The following ADAMTS17 variants were observed in gnomAD, a reference collection of about 807,000 sequenced individuals.
ADAMTS17 encodes ADAM metallopeptidase with thrombospondin type 1 motif 17, also known as A disintegrin and metalloproteinase with thrombospondin motifs 17.
In ADAMTS17, 113 loss-of-function variants were observed where a neutral mutation model predicts 141.5. The observed-to-expected ratio is 0.80, with a 90% CI of 0.69 to 0.93. ADAMTS17 has a LOEUF of 0.93. ADAMTS17 is among the 40% of genes least tolerant of loss of function. The pLI, the probability that ADAMTS17 is intolerant of heterozygous loss-of-function variation, is 0.00. For missense variants in ADAMTS17, 1,659 were observed against 1,517.9 expected (o/e 1.09, Z -1.54); for synonymous variants, 768 against 630.6 (o/e 1.22, Z -3.27).
chr15:100,149,549 T>G (rs1170697382), intron 10 of ADAMTS17, among the ~76,000 whole-genome samples: 1 of 152,150 alleles, frequency 6.6e-6, no homozygotes, highest in Non-Finnish European at 1.5e-5. Context: ...TAAGTCACCT[T>G]TAGTTCCCTG....
At chr15:100,286,449 G>C (rs879855769) in intron 3 of ADAMTS17, among the ~76,000 whole-genome samples, 10 of 152,148 alleles carry the variant, frequency 6.6e-5, no homozygotes, top group Non-Finnish European at 1.3e-4. Context: ...AGCAGACCGG[G>C]AACACCTCAG....
intron 15 of ADAMTS17, among the ~76,000 whole-genome samples, chr15:100,061,175 T>C (rs2033091207): frequency 6.6e-6 from 1 of 152,188 alleles, no homozygotes; most frequent in Admixed American, 6.5e-5. Context: ...GTTTAACTTG[T>C]GTTCTCCAAT....
intron 4 of ADAMTS17, among the ~76,000 whole-genome samples, chr15:100,267,350 C>G (rs949977577): frequency 6.6e-6 from 1 of 152,076 alleles, no homozygotes; most frequent in Non-Finnish European, 1.5e-5. Flanking sequence ...GTATGGACAC[C>G]CCACGTTTTG....
chr15:100,082,697 T>A (rs150293442), intron 15 of ADAMTS17, among the ~76,000 whole-genome samples: 195 of 152,144 alleles, frequency 1.3e-3, no homozygotes, highest in Admixed American at 2.4e-3. Context: ...GGCTACGATA[T>A]CATCTTAAAT....
At chr15:100,125,816 G>A (rs2037702775) in intron 12 of ADAMTS17, among the ~76,000 whole-genome samples, 1 of 152,110 alleles carries the variant, frequency 6.6e-6, no homozygotes, top group African/African-American at 2.4e-5. Flanking sequence ...CAAGAGCTGT[G>A]AAGACCAAGA....
intron 7 of ADAMTS17, among the ~76,000 whole-genome samples, chr15:100,247,882 C>A (rs2043035004): frequency 6.7e-6 from 1 of 150,116 alleles, no homozygotes; most frequent in Non-Finnish European, 1.5e-5. Flanking sequence ...CCAGCAATAT[C>A]CCCCACCCGC....
rs553782956 is a variant in ADAMTS17, at chr15:100,134,230, G to T, written c.1474-915C>A. Among the ~76,000 whole-genome samples the T allele has an allele frequency of 1.8e-4, 28 of 152,300 alleles. No individual in the cohort carries two copies. In the South Asian group the frequency reaches 5.6e-3, roughly 30 times the overall value. The stretch of plus-strand genomic sequence containing the variant: ...CTCTCAGAGGGTCCTGGGGGGGATG[G>T]CCCCGCTGCCGACAGCAGTCACTTA... On this transcript the variant is annotated intron_variant, in intron 10 of 21. Transcript: ENST00000268070.
intron 18 of ADAMTS17, among the ~76,000 whole-genome samples, chr15:100,030,490 G>C (rs986216436): frequency 3.9e-5 from 6 of 152,142 alleles, no homozygotes; most frequent in African/African-American, 1.4e-4. Flanking sequence ...GGTCTGTAAT[G>C]AGCCACCTGG....
At chr15:100,306,443 C>G (rs888657311) in intron 3 of ADAMTS17, 6 of 455,724 alleles carry the variant, frequency 1.3e-5, no homozygotes, top group African/African-American at 4.0e-5. Flanking sequence ...GCAGAGGCCA[C>G]AGGTAGACGC....
At chr15:100,142,679 G>T (rs57981971) in intron 10 of ADAMTS17, among the ~76,000 whole-genome samples, 5,149 of 152,250 alleles carry the variant, frequency 0.034, 171 homozygotes, top group African/African-American at 0.083. Flanking sequence ...GCAGAATGGG[G>T]CCCTGGGCAG....
chr15:100,327,030 C>T (rs2045921469), intron 3 of ADAMTS17, among the ~76,000 whole-genome samples: 1 of 152,210 alleles, frequency 6.6e-6, no homozygotes, highest in African/African-American at 2.4e-5. Flanking sequence ...CCGAATGAAT[C>T]TTAACCCATT....
chr15:100,340,915 G>T, intron 2 of ADAMTS17, 124 bp downstream of exon 2: 3 of 1,406,256 alleles, frequency 2.1e-6, no homozygotes, highest in Non-Finnish European at 2.9e-6. Flanking sequence ...AAAGGCAGGG[G>T]GTTCCCTCCG....
intron 18 of ADAMTS17, among the ~76,000 whole-genome samples, chr15:100,002,720 G>T (rs563217312): frequency 1.3e-5 from 2 of 152,216 alleles, no homozygotes; most frequent in South Asian, 4.1e-4. Flanking sequence ...CCCTGGGAGG[G>T]GCACTGTTTT....
intron 3 of ADAMTS17, among the ~76,000 whole-genome samples, chr15:100,291,530 A>AC (rs1300583022): frequency 6.6e-6 from 1 of 152,212 alleles, no homozygotes; most frequent in Non-Finnish European, 1.5e-5. Context: ...TAACAGGATG[A>AC]CCCATGCACG....
chr15:100,200,904 TC>T (rs1224734441), intron 7 of ADAMTS17, among the ~76,000 whole-genome samples: 8 of 152,164 alleles, frequency 5.3e-5, no homozygotes, highest in African/African-American at 1.9e-4. Context: ...CTGCACCTGC[TC>T]TCCCCCATGG....
intron 12 of ADAMTS17, among the ~76,000 whole-genome samples, chr15:100,118,886 T>A (rs189387739): frequency 1.3e-5 from 2 of 152,112 alleles, no homozygotes; most frequent in African/African-American, 2.4e-5. Flanking sequence ...CAAAACTCTA[T>A]GCAGAAGTCC....
intron 13 of ADAMTS17, among the ~76,000 whole-genome samples, chr15:100,111,383 A>G (rs1364998075): frequency 6.6e-6 from 1 of 152,196 alleles, no homozygotes; most frequent in Non-Finnish European, 1.5e-5. Flanking sequence ...TTCCACTTGC[A>G]GGGAAGGACC....
intron 7 of ADAMTS17, among the ~76,000 whole-genome samples, chr15:100,200,548 C>T (rs1046308304): frequency 1.1e-4 from 17 of 152,170 alleles, no homozygotes; most frequent in African/African-American, 3.6e-4. Context: ...TCCGCCCTCC[C>T]GTGGGCGTTT....
At chr15:100,066,684 C>T (rs745913457) in intron 15 of ADAMTS17, among the ~76,000 whole-genome samples, 4 of 152,202 alleles carry the variant, frequency 2.6e-5, no homozygotes, top group Non-Finnish European at 4.4e-5. Flanking sequence ...CCACTGTCTT[C>T]CCTTATGATA....
Sources: gnomAD v4.1 joint callset for allele counts (sites outside exome capture counted in the v4.1 genomes callset) on GRCh38, gnomAD v4.1.1 for gene constraint, MANE v1.5 for transcripts, NCBI Gene and HGNC (gene_info 2026-07-23, HGNC 2026-07-21) for gene names.